Variants in CLSTN2 observed in about 807,000 individuals in gnomAD.
The protein encoded by CLSTN2 is calsyntenin-2.
A neutral mutation model predicts 101.2 loss-of-function variants in CLSTN2; 48 were observed. That is an observed-to-expected ratio of 0.47 (90% CI 0.38 to 0.60). The LOEUF (loss-of-function observed/expected upper bound fraction) is 0.60. Ranked by LOEUF, CLSTN2 falls within the 20% of genes least tolerant of loss-of-function variation. CLSTN2 has a pLI of 0.00. For missense variants in CLSTN2, 1,160 were observed against 1,238.2 expected (o/e 0.94, Z 0.95); for synonymous variants, 481 against 463.6 (o/e 1.04, Z -0.48).
At chr3:140,212,009 A>G (rs2010862058) in intron 2 of CLSTN2, among the ~76,000 whole-genome samples, 1 of 152,202 alleles carries the variant, frequency 6.6e-6, no homozygotes, top group African/African-American at 2.4e-5. Flanking sequence ...CATATTTTAC[A>G]TCAGATGAAG....
Position 140,151,197 on chromosome 3 carries a change from G to A in CLSTN2, c.110-24754G>A, listed in dbSNP as rs550129255. ...TAGTTTGCAAATATAAACAGCTTCA[G>A]GAAGGTTTGCTTTTGAGCTTCTGCA... On this transcript the variant is annotated intron_variant, in intron 1 of 16. Coordinates refer to ENST00000458420, the MANE Select transcript of CLSTN2 (RefSeq NM_022131.3). 3.3e-5 allele frequency among the ~76,000 whole-genome samples: 5 copies of A among 152,192 alleles called. No homozygotes were observed. In the East Asian group the frequency reaches 9.7e-4, roughly 29 times the overall value.
At chr3:140,209,418 T>A (rs933749044) in intron 2 of CLSTN2, among the ~76,000 whole-genome samples, 5 of 152,200 alleles carry the variant, frequency 3.3e-5, no homozygotes, top group Non-Finnish European at 4.4e-5. Context: ...TTTTATTTTT[T>A]AAAAAATTTC....
intron 2 of CLSTN2, among the ~76,000 whole-genome samples, chr3:140,200,412 G>T (rs561916972): frequency 5.5e-4 from 84 of 152,278 alleles, no homozygotes; most frequent in African/African-American, 2.0e-3. Context: ...AAAAGAGCCT[G>T]TGTTTGAAAA....
intron 8 of CLSTN2, among the ~76,000 whole-genome samples, chr3:140,468,044 A>T (rs1266133026): frequency 6.6e-6 from 1 of 152,022 alleles, no homozygotes; most frequent in Non-Finnish European, 1.5e-5. Context: ...TGCCTAATCC[A>T]CTCCCAGTAA....
intron 1 of CLSTN2, among the ~76,000 whole-genome samples, chr3:139,994,413 G>A (rs932833552): frequency 1.3e-5 from 2 of 152,156 alleles, no homozygotes; most frequent in Non-Finnish European, 2.9e-5. Flanking sequence ...CTTAACTGAT[G>A]AGGAAACTGA....
intron 1 of CLSTN2, among the ~76,000 whole-genome samples, chr3:140,175,688 G>T (rs192411606): frequency 6.6e-6 from 1 of 152,164 alleles, no homozygotes; most frequent in Non-Finnish European, 1.5e-5. Flanking sequence ...TGAAGAATCC[G>T]TGGTCTTAGA....
chr3:139,980,301 A>T (rs1935892346), intron 1 of CLSTN2, among the ~76,000 whole-genome samples: 1 of 151,924 alleles, frequency 6.6e-6, no homozygotes, highest in Admixed American at 6.6e-5. Flanking sequence ...TTTCTTCACC[A>T]CTTCAAGCTT....
chr3:140,408,345 A>G (rs2088328013), intron 4 of CLSTN2, among the ~76,000 whole-genome samples: 1 of 152,144 alleles, frequency 6.6e-6, no homozygotes, highest in Non-Finnish European at 1.5e-5. Flanking sequence ...TGGCTGAGAC[A>G]TTTGGAGACA....
At chr3:140,171,716 A>G (rs1245746911) in intron 1 of CLSTN2, among the ~76,000 whole-genome samples, 1 of 109,874 alleles carries the variant, frequency 9.1e-6, no homozygotes, top group East Asian at 2.2e-4. Flanking sequence ...TGTATTATGT[A>G]TTATATATTA....
chr3:140,087,715 A>T (rs1405819162), intron 1 of CLSTN2, among the ~76,000 whole-genome samples: 1 of 152,214 alleles, frequency 6.6e-6, no homozygotes, highest in Non-Finnish European at 1.5e-5. Context: ...TTTAGGTTCT[A>T]TGGGGCTCCC....
intron 2 of CLSTN2, among the ~76,000 whole-genome samples, chr3:140,302,044 TAC>T (rs2087065854): frequency 6.6e-6 from 1 of 152,224 alleles, no homozygotes; most frequent in Non-Finnish European, 1.5e-5. Flanking sequence ...TGTTTTTTGT[TAC>T]TAATGTGGCT....
intron 1 of CLSTN2, among the ~76,000 whole-genome samples, chr3:140,149,041 G>A (rs1436940139): frequency 6.6e-6 from 1 of 152,042 alleles, no homozygotes; most frequent in Non-Finnish European, 1.5e-5. Context: ...TCCTCTTCAG[G>A]GAGCTGTACT....
At chr3:140,265,815 C>T (rs768716168) in intron 2 of CLSTN2, among the ~76,000 whole-genome samples, 52 of 152,244 alleles carry the variant, frequency 3.4e-4, no homozygotes, top group African/African-American at 1.0e-3. Context: ...TCAGGGCTGG[C>T]GGCCTAGAAA....
In CLSTN2 at chr3:140,148,165, CA is replaced by C. The variant is rs555352072; in HGVS notation, c.110-27784del. 5.4e-3 allele frequency among the ~76,000 whole-genome samples: 817 copies of C among 152,316 alleles called. 3 individuals are homozygous for C. Among genetic ancestry groups the C allele is most frequent in the Non-Finnish European group, 8.7e-3 (592 of 68,028 alleles). ...CCCCTTAGCTACCTCTGTAGGACCT[CA>C]AGGCTGCCTGGAACTTTGTGGGGAC... On this transcript the variant is annotated intron_variant, in intron 1 of 16. Coordinates refer to ENST00000458420, the MANE Select transcript of CLSTN2 (RefSeq NM_022131.3).
At chr3:140,057,323 G>C (rs1410149936) in intron 1 of CLSTN2, among the ~76,000 whole-genome samples, 1 of 152,220 alleles carries the variant, frequency 6.6e-6, no homozygotes, top group Non-Finnish European at 1.5e-5. Context: ...TACACATGCA[G>C]AAGACACTTT....
intron 1 of CLSTN2, among the ~76,000 whole-genome samples, chr3:140,115,560 G>A (rs1240374931): frequency 6.6e-6 from 1 of 152,120 alleles, no homozygotes; most frequent in Non-Finnish European, 1.5e-5. Context: ...GGGAGAAAAA[G>A]GCCCTGCTTC....
At chr3:140,131,300 T>G (rs1369168825) in intron 1 of CLSTN2, among the ~76,000 whole-genome samples, 1 of 68,444 alleles carries the variant, frequency 1.5e-5, no homozygotes, top group East Asian at 9.9e-4. Context: ...ATGAGTTTCT[T>G]TATGATTTTT....
chr3:140,037,246 C>T (rs1433535275), intron 1 of CLSTN2, among the ~76,000 whole-genome samples: 1 of 152,172 alleles, frequency 6.6e-6, no homozygotes, highest in Non-Finnish European at 1.5e-5. Context: ...TACCCAGACC[C>T]AACACCTACC....
chr3:140,215,410 T>G (rs938114169), intron 2 of CLSTN2, among the ~76,000 whole-genome samples: 4 of 152,220 alleles, frequency 2.6e-5, no homozygotes, highest in Admixed American at 2.6e-4. Flanking sequence ...GATAACTCGT[T>G]CACAAACACA....
Sources: allele counts gnomAD v4.1 joint callset (sites outside exome capture counted in the v4.1 genomes callset), GRCh38; gene constraint gnomAD v4.1.1; transcripts MANE v1.5; gene names NCBI Gene and HGNC (gene_info 2026-07-23, HGNC 2026-07-21).